ASTN2: variants seen among roughly 807,000 people sequenced by gnomAD.
ASTN2 encodes the protein astrotactin-2.
ASTN2 carries 54 observed loss-of-function variants against 139.8 expected under a neutral mutation model. The observed-to-expected ratio is 0.39, with a 90% CI of 0.31 to 0.48. The LOEUF (loss-of-function observed/expected upper bound fraction) is 0.48, where lower values mean the gene tolerates loss of function less well. ASTN2 is among the 20% of genes least tolerant of loss of function. The pLI, the probability that ASTN2 is intolerant of heterozygous loss-of-function variation, is 0.95. For synonymous variants in ASTN2, 756 were observed against 719.5 expected, an observed-to-expected ratio of 1.05 and a Z score of -0.81; for missense variants, 1,565 against 1,725.1, an observed-to-expected ratio of 0.91 and a Z score of 1.64.
chr9:116,857,076 G>A (rs1832759602), intron 11 of ASTN2, among the ~76,000 whole-genome samples: 1 of 152,180 alleles, frequency 6.6e-6, no homozygotes, highest in Non-Finnish European at 1.5e-5. Flanking sequence ...TGTGTGAAGT[G>A]AAGGTAATAA....
chr9:117,150,319 C>T (rs1050741885), intron 3 of ASTN2, among the ~76,000 whole-genome samples: 3 of 152,184 alleles, frequency 2.0e-5, no homozygotes, highest in Admixed American at 6.5e-5. Context: ...ACTTTCACCT[C>T]CCTCAACTAA....
chr9:117,077,819 A>T (rs1484583488), intron 5 of ASTN2, among the ~76,000 whole-genome samples: 1 of 152,198 alleles, frequency 6.6e-6, no homozygotes, highest in Non-Finnish European at 1.5e-5. Context: ...GAGGCTGCTA[A>T]GGACCTTAAA....
intron 1 of ASTN2, among the ~76,000 whole-genome samples, chr9:117,294,856 G>C (rs910876487): frequency 6.6e-6 from 1 of 151,530 alleles, no homozygotes; most frequent in African/African-American, 2.4e-5. Flanking sequence ...CATTCCTAGC[G>C]CTCTCCTCCC....
chr9:116,981,666 C>T (rs532909258), intron 7 of ASTN2, among the ~76,000 whole-genome samples: 1 of 152,342 alleles, frequency 6.6e-6, no homozygotes, highest in South Asian at 2.1e-4. Context: ...TAGTTCAATG[C>T]ATCCTGAAGT....
chr9:116,911,092 C>T (rs1376508555), intron 10 of ASTN2, among the ~76,000 whole-genome samples: 1 of 152,192 alleles, frequency 6.6e-6, no homozygotes, highest in African/African-American at 2.4e-5. Context: ...AGCAAAGCAA[C>T]CTGATGGCCT....
intron 14 of ASTN2, among the ~76,000 whole-genome samples, chr9:116,732,964 C>T (rs114855702): frequency 1.3e-5 from 2 of 152,302 alleles, no homozygotes; most frequent in African/African-American, 2.4e-5. Context: ...CTGTGTAACT[C>T]GAGTGCTTTC....
At chr9:116,571,175 C>T (rs74370021) in intron 19 of ASTN2, among the ~76,000 whole-genome samples, 4,866 of 152,266 alleles carry the variant, frequency 0.032, 113 homozygotes, top group Non-Finnish European at 0.043. Flanking sequence ...ATCCCTGGCC[C>T]CACGCTGGTG....
chr9:116,614,669 T>C (rs1190377144), intron 19 of ASTN2, among the ~76,000 whole-genome samples: 7 of 152,188 alleles, frequency 4.6e-5, no homozygotes, highest in Non-Finnish European at 8.8e-5. Context: ...TGGCTAGCCA[T>C]ATGTAGAAAG....
intron 10 of ASTN2, among the ~76,000 whole-genome samples, chr9:116,870,931 T>C (rs1298397405): frequency 6.6e-6 from 1 of 152,112 alleles, no homozygotes; most frequent in Admixed American, 6.5e-5. Context: ...CTGAGCTACC[T>C]GGGAAGGAGG....
intron 4 of ASTN2, among the ~76,000 whole-genome samples, chr9:117,113,827 C>T (rs1234684321): frequency 6.6e-6 from 1 of 152,046 alleles, no homozygotes; most frequent in African/African-American, 2.4e-5. Context: ...TCTATAGTAA[C>T]AAAAAGCAGA....
intron 18 of ASTN2, among the ~76,000 whole-genome samples, chr9:116,619,954 T>C (rs953955240): frequency 6.6e-6 from 1 of 151,984 alleles, no homozygotes; most frequent in African/African-American, 2.4e-5. Context: ...GTTCTCCAGT[T>C]TTTTTTTGTT....
At chr9:117,027,359 T>A (rs1838117673) in intron 6 of ASTN2, among the ~76,000 whole-genome samples, 2 of 152,144 alleles carry the variant, frequency 1.3e-5, no homozygotes, top group Non-Finnish European at 2.9e-5. Flanking sequence ...CTCCTTTTAT[T>A]AAAATCCTTC....
chr9:116,827,064 CTTTGGGAGGCTGAGGTGGGCGG>C (rs1405441515), intron 11 of ASTN2, among the ~76,000 whole-genome samples: 2 of 152,004 alleles, frequency 1.3e-5, no homozygotes, highest in African/African-American at 4.8e-5. Context: ...AATCCCAGCA[CTTTGGGAGGCTGAGGTGGGCGG>C]ATCACCTAAG....
chr9:117,369,130 A>G (rs1829926356), intron 1 of ASTN2, among the ~76,000 whole-genome samples: 1 of 152,146 alleles, frequency 6.6e-6, no homozygotes, highest in Non-Finnish European at 1.5e-5. Context: ...TTAAACCTGG[A>G]AGAGTGCTAT....
intron 20 of ASTN2, among the ~76,000 whole-genome samples, chr9:116,456,205 T>C (rs1397785278): frequency 1.3e-5 from 2 of 151,930 alleles, no homozygotes; most frequent in Non-Finnish European, 2.9e-5. Flanking sequence ...ATAAGTAGCA[T>C]TTCTACATGC....
chr9:117,181,986 C>T (rs1056804409), intron 3 of ASTN2, among the ~76,000 whole-genome samples: 3 of 152,156 alleles, frequency 2.0e-5, no homozygotes, highest in East Asian at 1.9e-4. Context: ...CCCATGCTGC[C>T]ACCTTCCAGC....
chr9:116,737,307 G>T (rs1828952619), intron 13 of ASTN2, among the ~76,000 whole-genome samples: 1 of 152,150 alleles, frequency 6.6e-6, no homozygotes, highest in Non-Finnish European at 1.5e-5. Flanking sequence ...GTAGCTGCTG[G>T]GAAAGTTCCG....
Position 117,243,574 on chromosome 9 carries a change from C to T in ASTN2, c.631-28832G>A, listed in dbSNP as rs73517235. On this transcript the variant is annotated intron_variant, in intron 2 of 22. Coordinates refer to ENST00000313400, the MANE Select transcript of ASTN2 (RefSeq NM_001365068.1). Reference sequence around the variant, plus strand: ...TAAGTGTTTTATTGGAATTCACTCACTTAATCCTCATAACTATCCTACAAG... The same window carrying T: ...TAAGTGTTTTATTGGAATTCACTCATTTAATCCTCATAACTATCCTACAAG... Among the ~76,000 whole-genome samples the T allele has an allele frequency of 9.6e-3, 1,461 of 152,320 alleles. 26 individuals are homozygous for T. Among genetic ancestry groups the T allele is most frequent in the African/African-American group, 0.033 (1,382 of 41,562 alleles).
At chr9:116,611,239 A>T (rs574368275) in intron 19 of ASTN2, 1 of 152,294 alleles carries the variant, frequency 6.6e-6, no homozygotes, top group African/African-American at 2.4e-5. Flanking sequence ...CTGAATGAAA[A>T]TGAAAACGCA....
Sources: allele counts gnomAD v4.1 joint callset (sites outside exome capture counted in the v4.1 genomes callset), GRCh38; gene constraint gnomAD v4.1.1; transcripts MANE v1.5; gene names NCBI Gene and HGNC (gene_info 2026-07-23, HGNC 2026-07-21).